CAMTA2: variants seen among roughly 807,000 people sequenced by gnomAD.
CAMTA2 encodes calmodulin binding transcription activator 2, also known as calmodulin-binding transcription activator 2.
CAMTA2 carries 56 observed loss-of-function variants against 135.7 expected under a neutral mutation model. The observed-to-expected ratio is 0.41, with a 90% CI of 0.33 to 0.52. The LOEUF is 0.52. CAMTA2 is among the 20% of genes least tolerant of loss of function. The pLI is 0.16. For synonymous variants in CAMTA2, 591 were observed against 604.6 expected (o/e 0.98, Z 0.33); for missense variants, 1,358 against 1,553.4 (o/e 0.87, Z 2.11).
At chr17:4,975,375 G>A (rs1436756117) in intron 11 of CAMTA2, among the ~76,000 whole-genome samples, 1 of 152,048 alleles carries the variant, frequency 6.6e-6, no homozygotes, top group African/African-American at 2.4e-5. Flanking sequence ...AGGAGGGCTG[G>A]GGGAAAAGTG....
Position 4,972,876 on chromosome 17 carries a change from G to A in CAMTA2, c.2396C>T (p.Ser799Phe). The A allele has an allele frequency of 6.2e-7, 1 of 1,613,900 alleles. No individual in the cohort carries two copies. Among genetic ancestry groups the A allele is most frequent in the Non-Finnish European group, 8.5e-7 (1 of 1,180,028 alleles). The change falls in exon 15 of 23, where the codon TCC becomes TTC. Residue 799 changes from serine (S) to phenylalanine (F), a missense_variant. Ser to Phe is a radical substitution (Grantham distance 155). Transcript: ENST00000348066. ...LGRLPLSVAHSRGHVRLARCL... is the reference protein window; with the variant it reads ...LGRLPLSVAHFRGHVRLARCL... ...GCGGGCAAGGCGCACATGACCCCGGGAATGAGCCACAGACAATGGCAGACG... is the reference window on the plus strand; with the variant it reads ...GCGGGCAAGGCGCACATGACCCCGGAAATGAGCCACAGACAATGGCAGACG...
chr17:4,976,376 T>A (rs1972618866), intron 11 of CAMTA2, among the ~76,000 whole-genome samples: 1 of 152,080 alleles, frequency 6.6e-6, no homozygotes, highest in South Asian at 2.1e-4. Flanking sequence ...CGTCTTTATA[T>A]CAGAAAAGGA....
intron 6 of CAMTA2, 100 bp from the exon 7 acceptor site, chr17:4,981,931 CCCCAATT>C: frequency 7.3e-7 from 1 of 1,371,284 alleles, no homozygotes; most frequent in East Asian, 2.3e-5. Flanking sequence ...CTAACCTCGC[CCCCAATT>C]TCTGACTCTC....
intron 9 of CAMTA2, 176 bp downstream of exon 9, chr17:4,979,508 C>CAAAA (rs5819002): frequency 1.7e-3 from 343 of 205,502 alleles, no homozygotes; most frequent in Middle Eastern, 2.9e-3. Flanking sequence ...GAAACTGTCT[C>CAAAA]AAAAAAAAAA....
At chr17:4,975,935 G>A (rs1000096604) in intron 11 of CAMTA2, among the ~76,000 whole-genome samples, 1 of 152,226 alleles carries the variant, frequency 6.6e-6, no homozygotes, top group Non-Finnish European at 1.5e-5. Flanking sequence ...ACGTATGTAT[G>A]TGCCTCTATG....
chr17:4,987,235 G>A (rs1210031692), intron 1 of CAMTA2: 1 of 1,340,530 alleles, frequency 7.5e-7, no homozygotes, highest in East Asian at 3.1e-5. Flanking sequence ...GGCACTCTGG[G>A]CGGCCCCCCG....
chr17:4,976,301 C>A (rs1028399314), intron 11 of CAMTA2, among the ~76,000 whole-genome samples: 1 of 152,166 alleles, frequency 6.6e-6, no homozygotes, highest in African/African-American at 2.4e-5. Flanking sequence ...CCACCGCGCC[C>A]AGCCAGAAAT....
At position 4,969,878 on chromosome 17, in the gene CAMTA2, C is replaced by T; in HGVS notation, c.3189+24G>A. ...TCCCCTGACTGGAGATTGTGTAATT[C>T]ATCCTGAGACCCCTGCCCCTGACCT... On this transcript the variant is annotated intron_variant, in intron 18 of 22. Coordinates refer to ENST00000348066, the MANE Select transcript of CAMTA2 (RefSeq NM_015099.4). This position sits in a 1 kb window ranked among gnomAD's most constrained non-coding sequence, Gnocchi z 5.6. The T allele has an allele frequency of 1.9e-6, 3 of 1,612,144 alleles. No homozygotes were observed. The highest frequency in any genetic ancestry group is 2.2e-5 in the East Asian group (1 of 44,846).
At chr17:4,987,001 G>A in intron 1 of CAMTA2, 2 of 1,454,254 alleles carry the variant, frequency 1.4e-6, no homozygotes, top group Admixed American at 2.7e-5. Flanking sequence ...CCTCCTCGGG[G>A]AACAGATGGG....
In CAMTA2 at chr17:4,981,732, G is replaced by C; in HGVS notation, c.511C>G (p.Arg171Gly). 1 of 1,613,538 alleles carries C rather than the reference G, an allele frequency of 6.2e-7. No individual in the cohort carries two copies. The highest frequency in any genetic ancestry group is 8.5e-7 in the Non-Finnish European group (1 of 1,179,730). The change falls in exon 7 of 23, where the codon CGA becomes GGA. Residue 171 changes from arginine to glycine, a missense_variant. By Grantham distance (125) the Arg-to-Gly change is moderately radical (BLOSUM62 -2). Transcript: ENST00000348066. ...PIFCSISSDR[R>G]EWLKWSREEL... Reference sequence around the variant, plus strand: ...TCCCGGGACCACTTCAGCCACTCTCGACGGTCGCTGCTGATGGAACAAAAG... The same window carrying C: ...TCCCGGGACCACTTCAGCCACTCTCCACGGTCGCTGCTGATGGAACAAAAG...
In CAMTA2 at chr17:4,981,802, C is replaced by G. The variant is rs1348571644; in HGVS notation, c.441G>C (p.Leu147=). The change falls in exon 7 of 23, where the codon CTG becomes CTC. Residue 147 remains leucine, a synonymous_variant. Transcript: ENST00000348066. ...QNPDIVLVHY[L]NVPALEDCGK... ...CACAGTCCTCCAGGGCTGGGACGTT[C>G]AGGTAGTGCACAAGGACGATGTCAG... 1 of 1,610,546 alleles carries G rather than the reference C, an allele frequency of 6.2e-7. No individual in the cohort carries two copies. The highest frequency in any genetic ancestry group is 1.3e-5 in the African/African-American group (1 of 74,696).
At chr17:4,982,183 G>A in intron 5 of CAMTA2, 23 bp from the exon 6 acceptor site, 3 of 761,244 alleles carry the variant, frequency 3.9e-6, no homozygotes, top group Non-Finnish European at 6.9e-6. Context: ...AGGCTGGGGT[G>A]GGGGGAGGGC....
Position 4,969,445 on chromosome 17 carries a change from C to A in CAMTA2, c.3282+55G>T. 1 of 1,611,754 alleles carries A rather than the reference C, an allele frequency of 6.2e-7. No individual in the cohort carries two copies. On this transcript the variant is annotated intron_variant, in intron 20 of 22. Coordinates refer to ENST00000348066, the MANE Select transcript of CAMTA2 (RefSeq NM_015099.4). This position sits in a 1 kb window ranked among gnomAD's most constrained non-coding sequence, Gnocchi z 5.6. ...TGCAAGACTCTCTGTAACCCACACA[C>A]TCAAGGAAAGACTGAATCATCACAG...
intron 3 of CAMTA2, 80 bp downstream of exon 3, chr17:4,985,800 G>T (rs1332827762): frequency 2.3e-6 from 2 of 855,166 alleles, no homozygotes; most frequent in African/African-American, 3.3e-5. Flanking sequence ...AGTGTTGACA[G>T]ACACGGAAAG....
chr17:4,973,577 T>G lies in CAMTA2; in HGVS notation c.2201+8A>C, dbSNP rs1179119711. 2 of 1,608,732 alleles carry G rather than the reference T, an allele frequency of 1.2e-6. No individual in the cohort carries two copies. Among genetic ancestry groups the G allele is most frequent in the African/African-American group, 2.7e-5 (2 of 74,992 alleles). On this transcript the variant is annotated splice_region_variant and intron_variant, in intron 13 of 22. Transcript: ENST00000348066. Reference sequence around the variant, plus strand: ...CTGCCCAGCCCTCACCCAGCTGCCCTTGCTCACCGCCACTGGCTCAGGGTC... The same window carrying G: ...CTGCCCAGCCCTCACCCAGCTGCCCGTGCTCACCGCCACTGGCTCAGGGTC...
chr17:4,970,495 T>C lies in CAMTA2; in HGVS notation c.2850A>G (p.Thr950=), dbSNP rs1567683200. The change falls in exon 17 of 23, where the codon ACA becomes ACG. Residue 950 remains threonine (T), a synonymous_variant. Coordinates refer to ENST00000348066, the MANE Select transcript of CAMTA2 (RefSeq NM_015099.4). ...AGTCCTCTCGTTTAATCCGCTCCGG[T>C]GTGGCTTCGATGATCTGCTTGGCTA... ...ISLAKQIIEA[T]PERIKREDFV... is the part of the protein sequence containing the mutation. The C allele has an allele frequency of 6.2e-7, 1 of 1,613,628 alleles. No homozygotes were observed. Among genetic ancestry groups the C allele is most frequent in the Admixed American group, 1.7e-5 (1 of 60,026 alleles).
rs149609712 is a variant in CAMTA2, at chr17:4,980,321, C to T, written c.1001G>A (p.Arg334Gln). 3.0e-5 allele frequency: 48 copies of T among 1,613,416 alleles called. No individual in the cohort carries two copies. The highest frequency in any genetic ancestry group is 3.3e-4 in the Middle Eastern group (2 of 6,078). ...AILLLTGLEQ[R>Q]AGGLTPTRHL... ...CCTGGTGGGCGTCAAGCCTCCAGCCCGCTGCTCCAGTCCTGTCAGGAGGAG... is the reference window on the plus strand; with the variant it reads ...CCTGGTGGGCGTCAAGCCTCCAGCCTGCTGCTCCAGTCCTGTCAGGAGGAG... Residue 334 changes from arginine to glutamine, a missense_variant, in exon 9 of 23, where the codon CGG becomes CAG. Transcript: ENST00000348066. The surrounding 1 kb of genome is among the most constrained non-coding windows in gnomAD (Gnocchi z 5.3).
intron 1 of CAMTA2, chr17:4,986,507 A>C (rs1022947040): frequency 3.7e-5 from 20 of 547,172 alleles, no homozygotes; most frequent in Middle Eastern, 4.9e-4. Flanking sequence ...GAGCAGGAAG[A>C]AATGGGTTGG....
chr17:4,982,713 G>C (rs765455257), intron 5 of CAMTA2, 44 bp downstream of exon 5: 1 of 1,609,942 alleles, frequency 6.2e-7, no homozygotes, highest in Non-Finnish European at 8.5e-7. Context: ...AAGGGTGGAG[G>C]AGGGCAGGCT....
Sources: allele counts gnomAD v4.1 joint callset (sites outside exome capture counted in the v4.1 genomes callset), GRCh38; gene constraint gnomAD v4.1.1; non-coding constraint Gnocchi (gnomAD v3.1); transcripts MANE v1.5; gene names NCBI Gene and HGNC (gene_info 2026-07-23, HGNC 2026-07-21).